NFAM1: variants seen among roughly 807,000 people sequenced by gnomAD.
The protein encoded by NFAM1 is NFAT activating protein with ITAM motif 1.
Under a neutral mutation model 29.0 loss-of-function variants are expected in NFAM1, and 17 were observed. That is an observed-to-expected ratio of 0.59 (90% CI 0.40 to 0.88). The LOEUF (loss-of-function observed/expected upper bound fraction) is 0.88. Among genes scored for constraint, NFAM1 ranks in the 40% least tolerant of loss-of-function variants. The probability of loss-of-function intolerance (pLI) is 0.00; values close to 1 mark genes in which losing one functional copy is unlikely to be tolerated. For synonymous variants in NFAM1, 175 were observed against 147.2 expected (o/e 1.19, Z -1.36); for missense variants, 324 against 344.6 (o/e 0.94, Z 0.47).
intron 1 of NFAM1, among the ~76,000 whole-genome samples, chr22:42,417,760 G>A (rs1930308971): frequency 6.6e-6 from 1 of 152,142 alleles, no homozygotes; most frequent in Non-Finnish European, 1.5e-5. Context: ...GATGGTGCAG[G>A]GAGAGGGGAG....
intron 1 of NFAM1, among the ~76,000 whole-genome samples, chr22:42,426,911 C>T (rs556590013): frequency 4.6e-5 from 7 of 152,180 alleles, no homozygotes; most frequent in African/African-American, 9.7e-5. Flanking sequence ...CCAGGTGCCA[C>T]GCCCTGAGGC....
At chr22:42,399,464 GA>G (rs1009331935) in intron 3 of NFAM1, among the ~76,000 whole-genome samples, 1 of 97,708 alleles carries the variant, frequency 1.0e-5, no homozygotes, top group South Asian at 3.3e-4. Context: ...AAAAAAAAAA[GA>G]AAGAAAGAAA....
At chr22:42,408,539 G>A (rs550859516) in intron 3 of NFAM1, among the ~76,000 whole-genome samples, 1 of 152,332 alleles carries the variant, frequency 6.6e-6, no homozygotes, top group East Asian at 1.9e-4. Context: ...CATCAGCTTT[G>A]CACCCCTGAG....
chr22:42,433,212 C>T (rs542991130), upstream of NFAM1, among the ~76,000 whole-genome samples: 11 of 152,188 alleles, frequency 7.2e-5, no homozygotes, highest in South Asian at 1.2e-3. Flanking sequence ...CATCTGCCTG[C>T]GTGTCTGGAG....
chr22:42,423,225 C>A (rs1930508055), intron 1 of NFAM1, among the ~76,000 whole-genome samples: 1 of 151,848 alleles, frequency 6.6e-6, no homozygotes, highest in African/African-American at 2.4e-5. Context: ...CCAGGCCCTG[C>A]CACCAGGAAG....
At chr22:42,432,453 C>T, upstream of NFAM1, 1 of 1,443,472 alleles carries the variant, frequency 6.9e-7, no homozygotes, top group Non-Finnish European at 9.1e-7. Flanking sequence ...AAGCTCCTCC[C>T]TGGCAGCCCC....
intron 1 of NFAM1, among the ~76,000 whole-genome samples, chr22:42,417,419 G>C (rs547977453): frequency 6.6e-6 from 1 of 152,360 alleles, no homozygotes; most frequent in East Asian, 1.9e-4. Context: ...GGGATCTGGG[G>C]CAGGCAGAGC....
intron 1 of NFAM1, among the ~76,000 whole-genome samples, chr22:42,418,345 G>A (rs1000986680): frequency 1.3e-5 from 2 of 152,194 alleles, no homozygotes; most frequent in African/African-American, 4.8e-5. Context: ...GGGCCAGGCT[G>A]CCTTTCCCCA....
chr22:42,394,359 T>C (rs1929448786), intron 4 of NFAM1, among the ~76,000 whole-genome samples: 1 of 151,794 alleles, frequency 6.6e-6, no homozygotes, highest in Admixed American at 6.6e-5. Context: ...TATTGATCCT[T>C]ATTAATTTAA....
intron 1 of NFAM1, among the ~76,000 whole-genome samples, chr22:42,428,220 C>T (rs1292479297): frequency 2.0e-5 from 3 of 152,184 alleles, no homozygotes; most frequent in East Asian, 1.9e-4. Flanking sequence ...TCTCAGCCCT[C>T]ATTCCCTCAG....
At position 42,432,182 on chromosome 22, in the gene NFAM1, C is replaced by G. The variant is rs1454129954; in HGVS notation, c.121+55G>C. 3 of 1,470,188 alleles carry G rather than the reference C, an allele frequency of 2.0e-6. No individual in the cohort carries two copies. In the Admixed American group the frequency reaches 5.9e-5, roughly 29 times the overall value. 91.1% of individuals were successfully genotyped at this position (1,470,188 alleles called of 1,614,324 possible). On this transcript the variant is annotated intron_variant, in intron 1 of 5. Coordinates refer to ENST00000329021, the MANE Select transcript of NFAM1 (RefSeq NM_145912.8). ...TTAGCTGCGCCGGGCGGGATGAAAG[C>G]CGCTCTGATGTTCTGGAGCGAGAGA...
At chr22:42,428,104 G>T (rs1384888970) in intron 1 of NFAM1, among the ~76,000 whole-genome samples, 1 of 152,192 alleles carries the variant, frequency 6.6e-6, no homozygotes, top group Non-Finnish European at 1.5e-5. Flanking sequence ...CTACCTGAGG[G>T]GCATTTGTGA....
chr22:42,395,052 T>C (rs556635212), intron 4 of NFAM1, among the ~76,000 whole-genome samples: 1 of 152,176 alleles, frequency 6.6e-6, no homozygotes, highest in South Asian at 2.1e-4. Context: ...CTCACACTCA[T>C]AGTCCCAGCC....
chr22:42,416,077 AG>A (rs1930251344), intron 1 of NFAM1, among the ~76,000 whole-genome samples: 1 of 152,162 alleles, frequency 6.6e-6, no homozygotes. Context: ...CAGAAGGAAA[AG>A]AAAAATTACA....
At chr22:42,403,345 G>A (rs759250189) in intron 3 of NFAM1, among the ~76,000 whole-genome samples, 16 of 152,224 alleles carry the variant, frequency 1.1e-4, no homozygotes, top group Non-Finnish European at 2.4e-4. Context: ...CATAACAGCT[G>A]ATCTCCCCAG....
rs1217873361 is a variant in NFAM1 at position 42,388,673 on chromosome 22, C to T, written c.664-1595G>A. On this transcript the variant is annotated intron_variant, in intron 4 of 5. Transcript: ENST00000329021. This position sits in a 1 kb window ranked among gnomAD's most constrained non-coding sequence, Gnocchi z 4.1. ...GGAGGGAAGGAGGGAGGGAGGCAGG[C>T]GCCAAGAGGCAGCTGGGCATGAAAA... 1.3e-5 allele frequency among the ~76,000 whole-genome samples: 2 copies of T among 152,074 alleles called. No individual in the cohort carries two copies. The highest frequency in any genetic ancestry group is 6.5e-5 in the Admixed American group (1 of 15,270).
In NFAM1 at chr22:42,409,411, T is replaced by A; in HGVS notation, c.564+24A>T. Reference sequence around the variant, plus strand: ...TGGCGTGTCGGGTGGAGGGGCTGCATGGCTGTGAGCACTGATCCCGTACCT... The same window carrying A: ...TGGCGTGTCGGGTGGAGGGGCTGCAAGGCTGTGAGCACTGATCCCGTACCT... On this transcript the variant is annotated intron_variant, in intron 3 of 5. Coordinates refer to ENST00000329021, the MANE Select transcript of NFAM1 (RefSeq NM_145912.8). The surrounding 1 kb of genome is among the most constrained non-coding windows in gnomAD (Gnocchi z 4.9). 1 of 1,284,558 alleles carries A rather than the reference T, an allele frequency of 7.8e-7. No individual in the cohort carries two copies. Among genetic ancestry groups the A allele is most frequent in the Non-Finnish European group, 1.1e-6 (1 of 946,102 alleles). 79.6% of individuals were successfully genotyped at this position (1,284,558 alleles called of 1,614,324 possible). A position where few individuals can be genotyped will look rare whatever the true frequency, so the allele number is the denominator to read the frequency against.
intron 1 of NFAM1, among the ~76,000 whole-genome samples, chr22:42,417,019 C>T (rs931139033): frequency 1.3e-5 from 2 of 152,118 alleles, no homozygotes; most frequent in African/African-American, 2.4e-5. Flanking sequence ...ACGGACTCCA[C>T]GCAACACCGC....
At chr22:42,405,875 C>T (rs1052176051) in intron 3 of NFAM1, among the ~76,000 whole-genome samples, 1 of 152,172 alleles carries the variant, frequency 6.6e-6, no homozygotes, top group Non-Finnish European at 1.5e-5. Flanking sequence ...GAGCCAGCAT[C>T]GTGGCTGAGG....
Sources: gnomAD v4.1 joint callset for allele counts (sites outside exome capture counted in the v4.1 genomes callset) on GRCh38, gnomAD v4.1.1 for gene constraint, Gnocchi (gnomAD v3.1) non-coding constraint, MANE v1.5 for transcripts, NCBI Gene and HGNC (gene_info 2026-07-23, HGNC 2026-07-21) for gene names.